The following SLIT3 variants were observed in gnomAD, a reference collection of about 807,000 sequenced individuals.
SLIT3 encodes slit homolog 3 protein.
In SLIT3, 68 loss-of-function variants were observed where a neutral mutation model predicts 184.0. The ratio of observed to expected loss-of-function variants is 0.37; its 90% CI spans 0.30 to 0.45. The LOEUF (loss-of-function observed/expected upper bound fraction) is 0.45. SLIT3 is among the 20% of genes least tolerant of loss of function. The pLI, the probability that SLIT3 is intolerant of heterozygous loss-of-function variation, is 1.00. For synonymous variants in SLIT3, 831 were observed against 828.6 expected (o/e 1.00, Z -0.05); for missense variants, 1,707 against 2,026.0 (o/e 0.84, Z 3.02).
At chr5:169,084,437 T>C (rs1451851011) in intron 4 of SLIT3, among the ~76,000 whole-genome samples, 11 of 150,016 alleles carry the variant, frequency 7.3e-5, no homozygotes, top group Non-Finnish European at 1.5e-5. Context: ...ATTACAGGCA[T>C]GCGCCACCAT....
intron 20 of SLIT3, among the ~76,000 whole-genome samples, chr5:168,732,052 A>G (rs1337287168): frequency 6.6e-6 from 1 of 152,226 alleles, no homozygotes; most frequent in East Asian, 1.9e-4. Flanking sequence ...AACACTAAAT[A>G]CTTGACCAAA....
chr5:168,791,650 A>T (rs887777643), intron 10 of SLIT3: 3 of 152,160 alleles, frequency 2.0e-5, no homozygotes, highest in African/African-American at 7.2e-5. Flanking sequence ...CAATGTTTTG[A>T]TATATGCTTT....
intron 14 of SLIT3, chr5:168,768,008 C>CTCAAAGGA (rs1204899967): frequency 5.9e-6 from 2 of 336,342 alleles, no homozygotes; most frequent in Non-Finnish European, 1.2e-5. Flanking sequence ...CCCTCTGTAT[C>CTCAAAGGA]TGCATCCTTT....
At chr5:168,991,327 G>C (rs144279937) in intron 4 of SLIT3, among the ~76,000 whole-genome samples, 290 of 152,310 alleles carry the variant, frequency 1.9e-3, no homozygotes, top group Non-Finnish European at 3.3e-3. Flanking sequence ...TCCAAAGGAG[G>C]AAGTGGTAGG....
At chr5:168,748,724 CA>C (rs753748959) in intron 19 of SLIT3, among the ~76,000 whole-genome samples, 1 of 152,092 alleles carries the variant, frequency 6.6e-6, no homozygotes, top group Non-Finnish European at 1.5e-5. Context: ...AAGGAGTGGT[CA>C]GGGGGAGGGG....
chr5:168,718,700 A>G (rs995179022), intron 23 of SLIT3, among the ~76,000 whole-genome samples: 1 of 134,960 alleles, frequency 7.4e-6, no homozygotes, highest in African/African-American at 3.0e-5. Flanking sequence ...ACACACACAC[A>G]CACACACACA....
At position 168,665,539 on chromosome 5, in the gene SLIT3, C is replaced by T. The variant is rs1183835235; in HGVS notation, c.*915G>A. 1.3e-5 allele frequency: 2 copies of T among 152,228 alleles called. No homozygotes were observed. Among genetic ancestry groups the T allele is most frequent in the African/African-American group, 2.4e-5 (1 of 41,462 alleles). The allele number at this position is 152,228 out of a possible 1,614,324, so 9.4% of individuals were successfully genotyped here. ...GAGGAGACACCATGATATTCTCTTCCCTCGCCTCCTCTAGGAAGACCCCTC... is the reference window on the plus strand; with the variant it reads ...GAGGAGACACCATGATATTCTCTTCTCTCGCCTCCTCTAGGAAGACCCCTC... On this transcript the variant is annotated 3_prime_UTR_variant, in exon 36 of 36. Coordinates refer to ENST00000519560, the MANE Select transcript of SLIT3 (RefSeq NM_003062.4).
chr5:168,852,181 T>A (rs1218434565), intron 5 of SLIT3, among the ~76,000 whole-genome samples: 2 of 152,168 alleles, frequency 1.3e-5, no homozygotes, highest in Non-Finnish European at 2.9e-5. Context: ...CTGTGGTTCC[T>A]CCCCGGCAGA....
intron 3 of SLIT3, among the ~76,000 whole-genome samples, chr5:169,229,455 T>C (rs1326089443): frequency 6.6e-6 from 1 of 152,152 alleles, no homozygotes; most frequent in African/African-American, 2.4e-5. Flanking sequence ...AACACCCTCA[T>C]TCCTATCAGA....
chr5:168,688,662 C>T (rs1249918737), intron 29 of SLIT3, among the ~76,000 whole-genome samples: 1 of 152,216 alleles, frequency 6.6e-6, no homozygotes, highest in Non-Finnish European at 1.5e-5. Context: ...ACTTGATTGG[C>T]AAATTTGAAA....
chr5:169,016,691 C>T (rs9313440), intron 4 of SLIT3, among the ~76,000 whole-genome samples: 2,126 of 152,282 alleles, frequency 0.014, 52 homozygotes, highest in African/African-American at 0.048. Context: ...GTGTTAAAGG[C>T]ATGTTAATAC....
rs964081349 is a variant in SLIT3, at chr5:168,969,920, G to A, written c.414-86584C>T. Among the ~76,000 whole-genome samples the A allele has an allele frequency of 3.9e-5, 6 of 152,200 alleles. No individual in the cohort carries two copies. The East Asian group carries it at 5.8e-4, about 15-fold the overall frequency. On this transcript the variant is annotated intron_variant, in intron 4 of 35. Transcript: ENST00000519560. ...GACAAGGCTGGGCGCAGTGGCTCCC[G>A]CCTGTAACGCCAGCACTTTGGGAGG...
At chr5:169,281,282 T>G (rs369714570) in intron 1 of SLIT3, among the ~76,000 whole-genome samples, 208 of 152,294 alleles carry the variant, frequency 1.4e-3, no homozygotes, top group African/African-American at 4.4e-3. Flanking sequence ...ATCGAGACCA[T>G]CCTGGCCAAC....
intron 4 of SLIT3, among the ~76,000 whole-genome samples, chr5:169,002,917 G>A (rs922349465): frequency 2.0e-5 from 3 of 152,134 alleles, no homozygotes; most frequent in African/African-American, 7.2e-5. Flanking sequence ...TTACATATAG[G>A]TTTTAACTGT....
chr5:168,706,085 T>C (rs899903365), intron 26 of SLIT3, among the ~76,000 whole-genome samples: 11 of 152,210 alleles, frequency 7.2e-5, no homozygotes, highest in African/African-American at 2.7e-4. Context: ...CACAGTGCCA[T>C]AGACTGATAA....
Position 169,300,078 on chromosome 5 carries a change from C to G in SLIT3, c.197+435G>C, listed in dbSNP as rs1488727330. 6.6e-6 allele frequency among the ~76,000 whole-genome samples: 1 copy of G among 152,240 alleles called. No homozygotes were observed. The highest frequency in any genetic ancestry group is 1.5e-5 in the Non-Finnish European group (1 of 68,050). The stretch of plus-strand genomic sequence containing the variant: ...CCATTCTGATCTCCAAGCAGGTCAA[C>G]AGTCTCGGGCCCTCTCTCCCGCCTC... On this transcript the variant is annotated intron_variant, in intron 1 of 35. Transcript: ENST00000519560. This position sits in a 1 kb window ranked among gnomAD's most constrained non-coding sequence, Gnocchi z 4.1.
intron 20 of SLIT3, among the ~76,000 whole-genome samples, chr5:168,724,962 C>T (rs73802373): frequency 0.027 from 4,156 of 152,204 alleles, 193 homozygotes; most frequent in African/African-American, 0.095. Context: ...TGTAGTCTTA[C>T]CACAATTCCA....
intron 4 of SLIT3, among the ~76,000 whole-genome samples, chr5:169,070,320 G>T (rs1758498622): frequency 6.6e-6 from 1 of 152,160 alleles, no homozygotes. Context: ...AGAGGCTGCT[G>T]CTATCATTAA....
intron 4 of SLIT3, among the ~76,000 whole-genome samples, chr5:169,056,149 C>G (rs6891389): frequency 0.01 from 1,529 of 152,194 alleles, 30 homozygotes; most frequent in African/African-American, 0.035. Flanking sequence ...GGTATAAAAT[C>G]TTCTCCTCTC....
Sources: allele counts gnomAD v4.1 joint callset (sites outside exome capture counted in the v4.1 genomes callset), GRCh38; gene constraint gnomAD v4.1.1; non-coding constraint Gnocchi (gnomAD v3.1); transcripts MANE v1.5; gene names NCBI Gene and HGNC (gene_info 2026-07-23, HGNC 2026-07-21).